Variants in HSDL2 observed in about 807,000 individuals in gnomAD.
HSDL2 encodes the protein hydroxysteroid dehydrogenase like 2.
A neutral mutation model predicts 46.3 loss-of-function variants in HSDL2; 27 were observed. That is an observed-to-expected ratio of 0.58 (90% CI 0.43 to 0.80). The LOEUF (loss-of-function observed/expected upper bound fraction) is 0.80. Ranked by LOEUF, HSDL2 falls within the 30% of genes least tolerant of loss-of-function variation. The pLI is 0.00. For synonymous variants in HSDL2, 153 were observed against 163.6 expected (o/e 0.94, Z 0.50); for missense variants, 451 against 502.7 (o/e 0.90, Z 0.98).
At chr9:112,418,254 GTTATATT>G (rs1829816928) in intron 5 of HSDL2, among the ~76,000 whole-genome samples, 1 of 152,122 alleles carries the variant, frequency 6.6e-6, no homozygotes, top group Admixed American at 6.6e-5. Flanking sequence ...ACAGTGAAAA[GTTATATT>G]TTATATTATT....
At chr9:112,426,524 C>T (rs1025748917) in intron 6 of HSDL2, among the ~76,000 whole-genome samples, 4 of 152,174 alleles carry the variant, frequency 2.6e-5, no homozygotes, top group Admixed American at 2.6e-4. Flanking sequence ...GCATGAGCCA[C>T]TGCTCCTTGC....
At chr9:112,453,744 T>C (rs759253002) in intron 8 of HSDL2, among the ~76,000 whole-genome samples, 1 of 152,138 alleles carries the variant, frequency 6.6e-6, no homozygotes, top group Non-Finnish European at 1.5e-5. Context: ...GATAAATATT[T>C]ATAGTTTAGT....
At chr9:112,399,031 G>A (rs755654792) in intron 1 of HSDL2, among the ~76,000 whole-genome samples, 14 of 150,926 alleles carry the variant, frequency 9.3e-5, no homozygotes, top group East Asian at 1.9e-4. Flanking sequence ...TTCTATGCAC[G>A]TACCAAAAGG....
In HSDL2 at chr9:112,394,428, C is replaced by A. The variant is rs528080134; in HGVS notation, c.18-9567C>A. 1.1e-4 allele frequency among the ~76,000 whole-genome samples: 17 copies of A among 152,318 alleles called. No homozygotes were observed. In the South Asian group the frequency reaches 1.2e-3, roughly 11 times the overall value. ...AGAAATAAAATAAGTAGCCTCCAGA[C>A]ATCCTCTTCCGCCAGAGGAGCAATT... On this transcript the variant is annotated intron_variant, in intron 1 of 10. Transcript: ENST00000398805.
rs762961242 is a variant in HSDL2, at chr9:112,404,025, A to G, written c.48A>G (p.Thr16=). 2 of 1,614,164 alleles carry G rather than the reference A, an allele frequency of 1.2e-6. No individual in the cohort carries two copies. Among genetic ancestry groups the G allele is most frequent in the Non-Finnish European group, 1.7e-6 (2 of 1,180,008 alleles). The change falls in exon 2 of 11, where the codon ACA becomes ACG. Residue 16 remains threonine, a synonymous_variant. Transcript: ENST00000398805. ...TGGCAGGATGTACAGTTTTTATCAC[A>G]GGTGCAAGCCGTGGCATTGGCAAAG... is the stretch of plus-strand genomic sequence containing the variant. The part of the protein sequence containing the change: ...GRLAGCTVFI[T]GASRGIGKAI...
At chr9:112,407,305 A>G (rs2132626151) in intron 3 of HSDL2, among the ~76,000 whole-genome samples, 1 of 152,354 alleles carries the variant, frequency 6.6e-6, no homozygotes, top group East Asian at 1.9e-4. Context: ...AAAAGTGGTT[A>G]ACTAGTGCCA....
chr9:112,403,936 T>C, intron 1 of HSDL2, 59 bp from the exon 2 acceptor site: 1 of 1,526,644 alleles, frequency 6.6e-7, no homozygotes, highest in Non-Finnish European at 9.0e-7. Flanking sequence ...GAGGTTCTGA[T>C]ACCTGTCAGT....
chr9:112,419,146 C>G (rs1832062869), intron 6 of HSDL2, among the ~76,000 whole-genome samples, 188 bp downstream of exon 6: 1 of 148,426 alleles, frequency 6.7e-6, no homozygotes, highest in South Asian at 2.2e-4. Flanking sequence ...GCAGCTGGGA[C>G]TATAGGTGCA....
chr9:112,408,949 C>A lies in HSDL2; in HGVS notation c.323C>A (p.Thr108Asn). 6.2e-7 allele frequency: 1 copy of A among 1,603,114 alleles called. No individual in the cohort carries two copies. The highest frequency in any genetic ancestry group is 1.7e-5 in the Admixed American group (1 of 59,144). The change falls in exon 4 of 11, where the codon ACC (threonine) becomes AAC (asparagine). Residue 108 changes from threonine (T) to asparagine (N), a missense_variant. Physicochemically the swap from Thr to Asn is moderately conservative, Grantham distance 65. Coordinates refer to ENST00000398805, the MANE Select transcript of HSDL2 (RefSeq NM_032303.5). The part of the protein sequence containing the change: ...LVNNASAISL[T>N]NTLDTPTKRL... ...AATAATGCCAGTGCCATTAGTTTGA[C>A]CAATACATTGGACACACCTACCAAG...
intron 10 of HSDL2, among the ~76,000 whole-genome samples, chr9:112,466,712 TG>T (rs1043937886): frequency 3.3e-5 from 5 of 152,048 alleles, no homozygotes; most frequent in African/African-American, 1.2e-4. Context: ...CTATTTTTTT[TG>T]ATTTTTACTT....
chr9:112,453,098 C>G (rs889497391), intron 8 of HSDL2, among the ~76,000 whole-genome samples: 2 of 152,134 alleles, frequency 1.3e-5, no homozygotes, highest in Non-Finnish European at 2.9e-5. Flanking sequence ...TTTACATGAT[C>G]TCTACTTAAG....
intron 10 of HSDL2, among the ~76,000 whole-genome samples, chr9:112,466,558 A>C (rs948492107): frequency 1.3e-4 from 8 of 63,564 alleles, no homozygotes; most frequent in Admixed American, 4.2e-4. Flanking sequence ...CAAAAAAAAA[A>C]AAAAATCTTC....
At chr9:112,388,460 CAAAAA>C (rs35133211) in intron 1 of HSDL2, among the ~76,000 whole-genome samples, 2 of 107,338 alleles carry the variant, frequency 1.9e-5, no homozygotes, top group Admixed American at 1.0e-4. Context: ...GACTCCATCT[CAAAAA>C]AAAAAAAAAA....
At position 112,471,482 on chromosome 9, in the gene HSDL2, AAG is replaced by A. The variant is rs1164518042; in HGVS notation, c.*945_*946del. The A allele has an allele frequency of 6.6e-6, 1 of 152,336 alleles. No individual in the cohort carries two copies. The highest frequency in any genetic ancestry group is 1.9e-4 in the East Asian group (1 of 5,196). The allele number at this position is 152,336 out of a possible 1,614,324, so 9.4% of individuals were successfully genotyped here. On this transcript the variant is annotated 3_prime_UTR_variant, in exon 11 of 11. Transcript: ENST00000398805. ...GTGAGAAGGCAGTTATCTGCAAGCA[AAG>A]AGAGAGGCTTCAGAAGAAACAAAAT...
chr9:112,414,654 T>C (rs560538123), intron 4 of HSDL2, among the ~76,000 whole-genome samples: 68 of 152,308 alleles, frequency 4.5e-4, no homozygotes, highest in African/African-American at 1.6e-3. Flanking sequence ...GTGTAAAATA[T>C]GGTCTTATTT....
At chr9:112,401,860 T>C (rs1029667899) in intron 1 of HSDL2, among the ~76,000 whole-genome samples, 1 of 152,220 alleles carries the variant, frequency 6.6e-6, no homozygotes, top group African/African-American at 2.4e-5. Flanking sequence ...ACATGCTTTT[T>C]ATATGTGTGC....
At chr9:112,399,624 G>A (rs1209945413) in intron 1 of HSDL2, among the ~76,000 whole-genome samples, 1 of 152,048 alleles carries the variant, frequency 6.6e-6, no homozygotes, top group Non-Finnish European at 1.5e-5. Context: ...GCCGTTTATA[G>A]ACCTCCCCCC....
At chr9:112,440,454 C>T (rs1832616561) in intron 7 of HSDL2, among the ~76,000 whole-genome samples, 1 of 152,092 alleles carries the variant, frequency 6.6e-6, no homozygotes, top group Admixed American at 6.5e-5. Flanking sequence ...TTGTTAACAT[C>T]TCACTGTACT....
intron 6 of HSDL2, among the ~76,000 whole-genome samples, chr9:112,421,530 A>T (rs140125158): frequency 3.5e-4 from 54 of 152,234 alleles, no homozygotes; most frequent in African/African-American, 1.3e-3. Context: ...TCCTTTGGAA[A>T]GTCTTCATAT....
Sources: allele counts gnomAD v4.1 joint callset (sites outside exome capture counted in the v4.1 genomes callset), GRCh38; gene constraint gnomAD v4.1.1; transcripts MANE v1.5; gene names NCBI Gene and HGNC (gene_info 2026-07-23, HGNC 2026-07-21).